CEP63: variants seen among roughly 807,000 people sequenced by gnomAD.
The protein encoded by CEP63 is centrosomal protein 63.
CEP63 carries 84 observed loss-of-function variants against 89.1 expected under a neutral mutation model. That is an observed-to-expected ratio of 0.94 (90% CI 0.79 to 1.13). CEP63 has a LOEUF of 1.13. CEP63 is among the 50% of genes most tolerant of loss of function. The pLI is 0.00. For missense variants in CEP63, 838 were observed against 813.3 expected, an observed-to-expected ratio of 1.03 and a Z score of -0.37; for synonymous variants, 267 against 272.5, an observed-to-expected ratio of 0.98 and a Z score of 0.20.
chr3:134,687,318 T>C, the CEP63 span, among the ~76,000 whole-genome samples: 1 of 152,256 alleles, frequency 6.6e-6, no homozygotes, highest in Non-Finnish European at 1.5e-5. Flanking sequence ...CACAACTTTA[T>C]GTGATTCTCT....
At chr3:134,568,708 A>G (rs1957889262), downstream of CEP63, among the ~76,000 whole-genome samples, 2 of 152,236 alleles carry the variant, frequency 1.3e-5, no homozygotes, top group South Asian at 4.1e-4. Flanking sequence ...AAAAAGGTTT[A>G]ACATTAACCC....
chr3:134,735,514 A>G, the CEP63 span, among the ~76,000 whole-genome samples: 1 of 152,150 alleles, frequency 6.6e-6, no homozygotes, highest in African/African-American at 2.4e-5. Context: ...TGTGGTACTA[A>G]ATTGATTACA....
chr3:134,693,353 C>A, the CEP63 span, among the ~76,000 whole-genome samples: 1 of 152,114 alleles, frequency 6.6e-6, no homozygotes, highest in African/African-American at 2.4e-5. Context: ...GATAGGACAG[C>A]AAAGCTGAGG....
intron 1 of CEP63, among the ~76,000 whole-genome samples, chr3:134,489,615 A>G (rs1411127844): frequency 6.6e-6 from 1 of 152,190 alleles, no homozygotes; most frequent in Non-Finnish European, 1.5e-5. Flanking sequence ...TAGAGGTTGC[A>G]ACGTGGTGAT....
the CEP63 span, among the ~76,000 whole-genome samples, chr3:134,652,816 T>G: frequency 6.6e-6 from 1 of 152,182 alleles, no homozygotes; most frequent in South Asian, 2.1e-4. Context: ...GTCAGTGTTG[T>G]CTAACTCCTT....
intron 10 of CEP63, 52 bp from the exon 11 acceptor site, chr3:134,550,011 A>G (rs1049588214): frequency 4.1e-5 from 52 of 1,272,792 alleles, no homozygotes; most frequent in Non-Finnish European, 5.7e-5. Flanking sequence ...ATATTATTCT[A>G]TCTAAATGCT....
the CEP63 span, among the ~76,000 whole-genome samples, chr3:134,644,088 G>T: frequency 6.6e-6 from 1 of 152,266 alleles, no homozygotes. Flanking sequence ...GCCTCCCAAA[G>T]TGCTGGGATT....
At chr3:134,738,246 T>TCACA in the CEP63 span, among the ~76,000 whole-genome samples, 3 of 55,826 alleles carry the variant, frequency 5.4e-5, no homozygotes, top group Non-Finnish European at 1.1e-4. Flanking sequence ...TAGTATTCCA[T>TCACA]CATACACACA....
chr3:134,723,441 C>T, the CEP63 span, among the ~76,000 whole-genome samples: 83 of 152,298 alleles, frequency 5.4e-4, no homozygotes, highest in African/African-American at 9.4e-4. Context: ...ACTAGGTCCA[C>T]GATTCTGCAG....
chr3:134,489,549 T>TC (rs1192080782), intron 1 of CEP63, among the ~76,000 whole-genome samples: 2 of 152,306 alleles, frequency 1.3e-5, no homozygotes, highest in African/African-American at 4.8e-5. Context: ...CAAGACTCTT[T>TC]CACTTAGTGG....
intron 5 of CEP63, among the ~76,000 whole-genome samples, chr3:134,534,306 C>T (rs1950378970): frequency 6.6e-6 from 1 of 152,128 alleles, no homozygotes; most frequent in Non-Finnish European, 1.5e-5. Context: ...CTTTGTGTCT[C>T]ATCTACTTAT....
chr3:134,655,145 T>A, the CEP63 span, among the ~76,000 whole-genome samples: 1 of 152,184 alleles, frequency 6.6e-6, no homozygotes, highest in African/African-American at 2.4e-5. Flanking sequence ...TGGGTAGTTA[T>A]AGCTATGGCA....
At chr3:134,722,741 C>A in the CEP63 span, among the ~76,000 whole-genome samples, 1 of 152,118 alleles carries the variant, frequency 6.6e-6, no homozygotes, top group Non-Finnish European at 1.5e-5. Flanking sequence ...TAGCTCCTTT[C>A]TTTATTTATT....
chr3:134,619,471 G>C, the CEP63 span, among the ~76,000 whole-genome samples: 2 of 152,340 alleles, frequency 1.3e-5, no homozygotes, highest in East Asian at 3.9e-4. Flanking sequence ...TGGCAGAGGG[G>C]GCCACCTGGC....
At chr3:134,618,693 C>T in the CEP63 span, among the ~76,000 whole-genome samples, 8 of 152,202 alleles carry the variant, frequency 5.3e-5, no homozygotes, top group African/African-American at 1.2e-4. Flanking sequence ...GTAGCCGCTT[C>T]GTAGTGATTC....
At chr3:134,782,079 AAGT>A in the CEP63 span, among the ~76,000 whole-genome samples, 602 of 152,302 alleles carry the variant, frequency 4.0e-3, 2 homozygotes, top group African/African-American at 0.014. Flanking sequence ...AAATATTTTT[AAGT>A]TGTGAAAATG....
At chr3:134,619,823 G>C in the CEP63 span, 1 of 154,204 alleles carries the variant, frequency 6.5e-6, no homozygotes, top group Non-Finnish European at 1.4e-5. Context: ...CATGGGGATA[G>C]AGCAGTAACG....
At chr3:134,501,915 A>C (rs1446673880) in intron 2 of CEP63, among the ~76,000 whole-genome samples, 1 of 152,156 alleles carries the variant, frequency 6.6e-6, no homozygotes, top group East Asian at 1.9e-4. Context: ...CCAGGTGTCA[A>C]GGGGAATGCT....
downstream of CEP63, among the ~76,000 whole-genome samples, chr3:134,576,626 G>A (rs374739424): frequency 4.5e-4 from 69 of 152,348 alleles, 1 homozygote; most frequent in African/African-American, 1.5e-3. Flanking sequence ...GCAGAATGTG[G>A]ACTATGATCC....
Sources: gnomAD v4.1 joint callset for allele counts (sites outside exome capture counted in the v4.1 genomes callset) on GRCh38, gnomAD v4.1.1 for gene constraint, MANE v1.5 for transcripts, NCBI Gene and HGNC (gene_info 2026-07-23, HGNC 2026-07-21) for gene names.